KDM2A: variants seen among roughly 807,000 people sequenced by gnomAD.
The protein encoded by KDM2A is lysine-specific demethylase 2A.
In KDM2A, 3 loss-of-function variants were observed where a neutral mutation model predicts 137.3. The observed-to-expected ratio is 0.02, with a 90% CI of 0.01 to 0.06. The LOEUF (loss-of-function observed/expected upper bound fraction) is 0.06. Among genes scored for constraint, KDM2A ranks in the 10% least tolerant of loss-of-function variants. KDM2A has a pLI of 1.00. For synonymous variants in KDM2A, 512 were observed against 541.5 expected, an observed-to-expected ratio of 0.95 and a Z score of 0.76; for missense variants, 738 against 1,510.6, an observed-to-expected ratio of 0.49 and a Z score of 8.48.
chr11:67,224,220 A>G (rs1303983410), intron 10 of KDM2A, among the ~76,000 whole-genome samples: 2 of 152,204 alleles, frequency 1.3e-5, no homozygotes, highest in Non-Finnish European at 2.9e-5. Flanking sequence ...AGTCATCCCT[A>G]CAATATGGGA....
intron 2 of KDM2A, chr11:67,143,077 A>G (rs1013066885): frequency 4.1e-5 from 6 of 146,088 alleles, no homozygotes; most frequent in Non-Finnish European, 7.4e-5. Context: ...GCTGGAGTGC[A>G]ATGACATGAT....
intron 2 of KDM2A, among the ~76,000 whole-genome samples, chr11:67,133,932 T>G (rs1855915163): frequency 6.6e-6 from 1 of 151,688 alleles, no homozygotes; most frequent in African/African-American, 2.4e-5. Flanking sequence ...GACCTCGTGA[T>G]CCTCCCACCT....
At chr11:67,235,542 A>G (rs1330755698) in intron 12 of KDM2A, among the ~76,000 whole-genome samples, 1 of 150,770 alleles carries the variant, frequency 6.6e-6, no homozygotes, top group Non-Finnish European at 1.5e-5. Flanking sequence ...ACCTCAGATG[A>G]TCCACCCGCC....
intron 16 of KDM2A, chr11:67,248,648 C>T (rs1031519896): frequency 2.2e-5 from 8 of 359,870 alleles, no homozygotes; most frequent in African/African-American, 4.3e-5. Flanking sequence ...AGAGGAACCA[C>T]GGCTGGGCTA....
chr11:67,239,681 AGTAACAGTG>A (rs1215298194), intron 12 of KDM2A, among the ~76,000 whole-genome samples: 1 of 152,236 alleles, frequency 6.6e-6, no homozygotes, highest in Non-Finnish European at 1.5e-5. Context: ...GAGCTCTGGC[AGTAACAGTG>A]GTAACAGTGA....
At position 67,194,765 on chromosome 11, in the gene KDM2A, A is replaced by C. The variant is rs568749358; in HGVS notation, c.308-12745A>C. 5.3e-4 allele frequency among the ~76,000 whole-genome samples: 81 copies of C among 152,328 alleles called. 1 individual carries two copies. The highest frequency in any genetic ancestry group is 7.8e-4 in the Non-Finnish European group (53 of 68,036). ...ACCTGCTCTTGGCCTTTATCTCAGC[A>C]AGCTACCTGGCTTCTGTACTCCTAC... On this transcript the variant is annotated intron_variant, in intron 5 of 20. Transcript: ENST00000529006.
At chr11:67,215,597 A>G in intron 7 of KDM2A, 151 bp downstream of exon 7, 2 of 642,298 alleles carry the variant, frequency 3.1e-6, no homozygotes, top group East Asian at 2.7e-5. Flanking sequence ...TCCACAAGGA[A>G]GAGTGTATGT....
rs569926159 is a variant in KDM2A, at chr11:67,219,235, G to A, written c.842-53G>A. The A allele has an allele frequency of 2.1e-4, 179 of 838,512 alleles. No homozygotes were observed. In the African/African-American group the frequency reaches 2.6e-3, roughly 12 times the overall value. The allele number at this position is 838,512 out of a possible 1,614,324, so 51.9% of individuals were successfully genotyped here. ...GGTCTTGTACTAGTTCTCTGAGAGA[G>A]ACTTACTGTAATGTGTGTTTTCAGC... On this transcript the variant is annotated intron_variant, in intron 9 of 20. Coordinates refer to ENST00000529006, the MANE Select transcript of KDM2A (RefSeq NM_012308.3).
At chr11:67,169,358 G>GTTTC (rs775880574) in intron 2 of KDM2A, among the ~76,000 whole-genome samples, 1 of 150,006 alleles carries the variant, frequency 6.7e-6, no homozygotes, top group African/African-American at 2.4e-5. Context: ...GACAAGATTG[G>GTTTC]TTTCTTTCTT....
chr11:67,199,077 G>A (rs1857555637), intron 5 of KDM2A, among the ~76,000 whole-genome samples: 1 of 152,166 alleles, frequency 6.6e-6, no homozygotes, highest in Admixed American at 6.5e-5. Flanking sequence ...ACTGCACCCA[G>A]CAGATCAGTG....
intron 10 of KDM2A, among the ~76,000 whole-genome samples, chr11:67,227,517 C>T (rs1236517052): frequency 2.0e-5 from 3 of 151,800 alleles, no homozygotes; most frequent in African/African-American, 7.3e-5. Context: ...GATGCTTTCC[C>T]ACTCAACCAA....
intron 11 of KDM2A, among the ~76,000 whole-genome samples, chr11:67,231,151 C>T (rs1280721877): frequency 1.3e-5 from 2 of 152,062 alleles, no homozygotes; most frequent in African/African-American, 2.4e-5. Context: ...TGGGGTCTCA[C>T]TATGTTGCCC....
chr11:67,241,256 A>T (rs921339800), intron 12 of KDM2A, among the ~76,000 whole-genome samples: 13 of 152,164 alleles, frequency 8.5e-5, no homozygotes, highest in African/African-American at 3.1e-4. Flanking sequence ...GCCTTGTCCC[A>T]CGTGGCACCA....
Position 67,184,913 on chromosome 11 carries a change from C to T in KDM2A, c.307+3021C>T, listed in dbSNP as rs550291574. On this transcript the variant is annotated intron_variant, in intron 5 of 20. Coordinates refer to ENST00000529006, the MANE Select transcript of KDM2A (RefSeq NM_012308.3). Reference sequence around the variant, plus strand: ...GGAGAGAATTGGATTTCAAGAGTTACCACATTATTAAATTCAAATGTCCAA... The same window carrying T: ...GGAGAGAATTGGATTTCAAGAGTTATCACATTATTAAATTCAAATGTCCAA... 3.9e-5 allele frequency among the ~76,000 whole-genome samples: 6 copies of T among 152,166 alleles called. No homozygotes were observed. The South Asian group carries it at 1.2e-3, about 32-fold the overall frequency.
chr11:67,221,868 C>T (rs1302433984), intron 10 of KDM2A, among the ~76,000 whole-genome samples: 2 of 151,374 alleles, frequency 1.3e-5, no homozygotes, highest in Non-Finnish European at 2.9e-5. Context: ...CTAGGAGTTC[C>T]AGGTTGCAGT....
At chr11:67,133,469 C>G (rs1250300806) in intron 2 of KDM2A, among the ~76,000 whole-genome samples, 7 of 152,098 alleles carry the variant, frequency 4.6e-5, no homozygotes, top group Non-Finnish European at 1.0e-4. Flanking sequence ...GTGGCCTAAT[C>G]TCTGCTCACT....
At chr11:67,202,510 C>T (rs1012210508) in intron 5 of KDM2A, among the ~76,000 whole-genome samples, 1 of 152,070 alleles carries the variant, frequency 6.6e-6, no homozygotes, top group Non-Finnish European at 1.5e-5. Flanking sequence ...TGGTGGCTCA[C>T]GTCTGTAATC....
rs34189357 is a variant in KDM2A, at chr11:67,157,746, CAAA to C, written c.43-22317_43-22315del. Among the ~76,000 whole-genome samples, 33 of 78,052 alleles carry C rather than the reference CAAA, an allele frequency of 4.2e-4. 1 individual carries two copies. The highest frequency in any genetic ancestry group is 3.4e-3 in the Admixed American group (28 of 8,242). The allele number at this position is 78,052 out of a possible 152,430, so 51.2% of individuals were successfully genotyped here. On this transcript the variant is annotated intron_variant, in intron 2 of 20. Coordinates refer to ENST00000529006, the MANE Select transcript of KDM2A (RefSeq NM_012308.3). ...GGCGACAAAAGCAAGACTCCGTCTC[CAAA>C]AAAAAAAAAAAAAAACTTGCATTAG...
chr11:67,152,469 A>G (rs1257722746), intron 2 of KDM2A, among the ~76,000 whole-genome samples: 9 of 144,986 alleles, frequency 6.2e-5, no homozygotes, highest in African/African-American at 2.3e-4. Flanking sequence ...TTAGCTGGGC[A>G]TGGTGGTGCA....
Sources: gnomAD v4.1 joint callset for allele counts (sites outside exome capture counted in the v4.1 genomes callset) on GRCh38, gnomAD v4.1.1 for gene constraint, MANE v1.5 for transcripts, NCBI Gene and HGNC (gene_info 2026-07-23, HGNC 2026-07-21) for gene names.